Variants in DNAH14 observed in about 807,000 individuals in gnomAD.
The protein encoded by DNAH14 is dynein axonemal heavy chain 14.
DNAH14 carries 478 observed loss-of-function variants against 520.9 expected under a neutral mutation model. The observed-to-expected ratio is 0.92, with a 90% CI of 0.85 to 0.99. The LOEUF is 0.99. Among genes scored for constraint, DNAH14 ranks in the 50% least tolerant of loss-of-function variants. The pLI is 0.00. For missense variants in DNAH14, 4,831 were observed against 5,234.5 expected, an observed-to-expected ratio of 0.92 and a Z score of 2.38; for synonymous variants, 1,581 against 1,757.2, an observed-to-expected ratio of 0.90 and a Z score of 2.51.
At chr1:225,171,451 C>A in intron 36 of DNAH14, among the ~76,000 whole-genome samples, 1 of 152,106 alleles carries the variant, frequency 6.6e-6, no homozygotes, top group East Asian at 1.9e-4. Context: ...ACCACCGATC[C>A]CGCAGAAATA....
At chr1:225,157,941 A>G (rs935335657) in intron 34 of DNAH14, among the ~76,000 whole-genome samples, 1 of 152,206 alleles carries the variant, frequency 6.6e-6, no homozygotes, top group Admixed American at 6.5e-5. Context: ...AATGAGTACA[A>G]AATCACAGAT....
chr1:225,270,773 A>G lies in DNAH14; in HGVS notation c.7578A>G (p.Pro2526=), dbSNP rs1482314524. ...QDLSIVAACV[P]VVNDISPRLL... Reference sequence around the variant, plus strand: ...TGTCTATAGTTGCAGCTTGTGTTCCAGTTGTGAATGATATCAGCCCACGTC... The same window carrying G: ...TGTCTATAGTTGCAGCTTGTGTTCCGGTTGTGAATGATATCAGCCCACGTC... Residue 2526 remains proline (P), a synonymous_variant, in exon 50 of 86, where the codon CCA becomes CCG. Transcript: ENST00000682510. 1 of 1,551,222 alleles carries G rather than the reference A, an allele frequency of 6.4e-7. No homozygotes were observed. The highest frequency in any genetic ancestry group is 1.4e-5 in the African/African-American group (1 of 73,048).
chr1:225,354,400 A>G (rs1054826874), intron 73 of DNAH14: 8 of 621,482 alleles, frequency 1.3e-5, no homozygotes, highest in Middle Eastern at 2.7e-4. Context: ...CTATTTCTCA[A>G]TTGTTTCAGA....
intron 41 of DNAH14, among the ~76,000 whole-genome samples, chr1:225,230,619 A>G (rs558963110): frequency 1.7e-4 from 26 of 152,270 alleles, no homozygotes; most frequent in African/African-American, 6.0e-4. Context: ...GATGACTACA[A>G]TCTGCCTAAC....
intron 1 of DNAH14, among the ~76,000 whole-genome samples, chr1:224,948,868 C>A (rs181271755): frequency 9.5e-4 from 144 of 152,230 alleles, no homozygotes; most frequent in African/African-American, 3.2e-3. Flanking sequence ...GACCTCTATG[C>A]TGTTATTGTT....
intron 55 of DNAH14, among the ~76,000 whole-genome samples, chr1:225,292,524 T>C (rs2093916016): frequency 1.3e-5 from 2 of 152,090 alleles, no homozygotes; most frequent in African/African-American, 4.8e-5. Context: ...TTTTGAAGTC[T>C]GGTAGTGTGA....
At chr1:225,007,926 T>TA (rs2064312532) in intron 10 of DNAH14, among the ~76,000 whole-genome samples, 1 of 99,958 alleles carries the variant, frequency 1.0e-5, no homozygotes, top group Non-Finnish European at 2.1e-5. Context: ...ATTTCTTTTT[T>TA]CTTTTTTTTT....
At chr1:225,113,327 A>G (rs2076621818) in intron 23 of DNAH14, among the ~76,000 whole-genome samples, 1 of 152,100 alleles carries the variant, frequency 6.6e-6, no homozygotes, top group African/African-American at 2.4e-5. Flanking sequence ...ACTTTTTCCC[A>G]AACAATTGAG....
rs141351341 is a variant in DNAH14, at chr1:224,954,710, C to T, written c.78-249C>T. ...CCTATTTAAAATTTAACTAGACTCT[C>T]CATGTAAATGTTGCAGATCTTTTTC... is the stretch of plus-strand genomic sequence containing the variant. On this transcript the variant is annotated intron_variant, in intron 2 of 85. Transcript: ENST00000682510. 2.0e-3 allele frequency: 554 copies of T among 272,496 alleles called. 15 individuals carry two copies. The East Asian group carries it at 0.034, about 17-fold the overall frequency. 16.9% of individuals were successfully genotyped at this position (272,496 alleles called of 1,614,324 possible).
At chr1:225,145,721 T>G (rs2079869906) in intron 30 of DNAH14, among the ~76,000 whole-genome samples, 1 of 152,216 alleles carries the variant, frequency 6.6e-6, no homozygotes, top group South Asian at 2.1e-4. Flanking sequence ...ACATTTATTT[T>G]AAGTCCTAAC....
At chr1:225,199,007 T>C (rs1463896655) in intron 38 of DNAH14, among the ~76,000 whole-genome samples, 1 of 152,126 alleles carries the variant, frequency 6.6e-6, no homozygotes, top group Admixed American at 6.6e-5. Context: ...TCTGTTACCA[T>C]TTTATTCTCC....
chr1:225,152,106 C>T (rs1357928912), intron 32 of DNAH14, 33 bp downstream of exon 32: 6 of 1,507,070 alleles, frequency 4.0e-6, no homozygotes, highest in Non-Finnish European at 5.4e-6. Context: ...GGAATAGACA[C>T]AGACAAAAAT....
intron 74 of DNAH14, 100 bp downstream of exon 74, chr1:225,358,752 C>G (rs1278064774): frequency 1.6e-6 from 2 of 1,266,526 alleles, no homozygotes; most frequent in Non-Finnish European, 2.2e-6. Flanking sequence ...CCCCACATGT[C>G]AAGGGCGAGA....
At position 225,206,085 on chromosome 1, in the gene DNAH14, T is replaced by G. The variant is rs2087515160; in HGVS notation, c.6092T>G (p.Ile2031Arg). ...TTGTGCCTAGCAAACAGTGAGAGAA[T>G]AGCTTTAACTAATAAAATAAGAGTG... Reference protein sequence around the residue: ...RTLCLANSERIALTNKIRVIF... With the variant: ...RTLCLANSERRALTNKIRVIF... The change falls in exon 40 of 86, where the codon ATA becomes AGA. Residue 2031 changes from isoleucine to arginine, a missense_variant. Ile to Arg is a moderately conservative substitution (Grantham distance 97, BLOSUM62 -3). Coordinates refer to ENST00000682510, the MANE Select transcript of DNAH14 (RefSeq NM_001367479.1). The G allele has an allele frequency of 1.3e-6, 2 of 1,551,422 alleles. No individual in the cohort carries two copies. The highest frequency in any genetic ancestry group is 1.7e-6 in the Non-Finnish European group (2 of 1,146,844).
intron 40 of DNAH14, 122 bp downstream of exon 40, chr1:225,206,301 C>A: frequency 1.2e-6 from 1 of 840,304 alleles, no homozygotes; most frequent in East Asian, 2.7e-5. Flanking sequence ...AGCATGAACT[C>A]AATAGTTTCA....
rs1236802857 is a variant in DNAH14 at position 225,259,233 on chromosome 1, T to C, written c.7137T>C (p.Tyr2379=). The change falls in exon 46 of 86, where the codon TAT becomes TAC. Residue 2379 remains tyrosine (Y), a synonymous_variant. Coordinates refer to ENST00000682510, the MANE Select transcript of DNAH14 (RefSeq NM_001367479.1). ...CAATTTTAGGAGACACCCTATTATA[T>C]AGTGAAATAAAAAAATCAAGGTTGT... is the stretch of plus-strand genomic sequence containing the variant. ...HGSILGDTLL[Y]SEIKKSSSLK... is the part of the protein sequence containing the mutation. The C allele has an allele frequency of 2.0e-6, 3 of 1,497,568 alleles. No individual in the cohort carries two copies. Among genetic ancestry groups the C allele is most frequent in the Middle Eastern group, 1.7e-4 (1 of 5,890 alleles). 92.8% of individuals were successfully genotyped at this position (1,497,568 alleles called of 1,614,324 possible). A position where few individuals can be genotyped will look rare whatever the true frequency, so the allele number is the denominator to read the frequency against.
At chr1:225,272,677 T>G (rs2093345880) in intron 51 of DNAH14, among the ~76,000 whole-genome samples, 1 of 152,138 alleles carries the variant, frequency 6.6e-6, no homozygotes, top group Non-Finnish European at 1.5e-5. Context: ...GTTAGCACTG[T>G]AGTCGAGACT....
chr1:224,939,702 T>A (rs2059283604), intron 1 of DNAH14, among the ~76,000 whole-genome samples: 1 of 151,854 alleles, frequency 6.6e-6, no homozygotes, highest in Admixed American at 6.6e-5. Flanking sequence ...AAAAAACTAA[T>A]CAAAAAACAT....
At chr1:225,145,047 A>G (rs1559095695) in intron 29 of DNAH14, among the ~76,000 whole-genome samples, 1 of 152,108 alleles carries the variant, frequency 6.6e-6, no homozygotes, top group Non-Finnish European at 1.5e-5. Context: ...AGCAAAGGAT[A>G]TAGTTTGTGA....
Sources: allele counts gnomAD v4.1 joint callset (sites outside exome capture counted in the v4.1 genomes callset), GRCh38; gene constraint gnomAD v4.1.1; transcripts MANE v1.5; gene names NCBI Gene and HGNC (gene_info 2026-07-23, HGNC 2026-07-21).